Variants in TNIK observed in about 807,000 individuals in gnomAD.
TNIK encodes TRAF2 and NCK interacting kinase, also known as TRAF2 and NCK-interacting protein kinase.
TNIK carries 49 observed loss-of-function variants against 191.3 expected under a neutral mutation model. That is an observed-to-expected ratio of 0.26 (90% CI 0.20 to 0.32). The LOEUF (loss-of-function observed/expected upper bound fraction) is 0.32, where lower values mean the gene tolerates loss of function less well. Among genes scored for constraint, TNIK ranks in the 10% least tolerant of loss-of-function variants. The pLI is 1.00. For synonymous variants in TNIK, 594 were observed against 600.9 expected (o/e 0.99, Z 0.17); for missense variants, 1,155 against 1,702.3 (o/e 0.68, Z 5.66).
In TNIK at chr3:171,229,975, T is replaced by C. The variant is rs1026958334; in HGVS notation, c.124-1754A>G. Among the ~76,000 whole-genome samples the C allele has an allele frequency of 2.0e-5, 3 of 152,152 alleles. No homozygotes were observed. The East Asian group carries it at 5.8e-4, about 29-fold the overall frequency. ...TCTGCCCATGACCACCGGCTGTGTC[T>C]GGGCCCTCATTTCCCCATCTACAAA... On this transcript the variant is annotated intron_variant, in intron 2 of 32. Transcript: ENST00000436636.
chr3:171,268,474 G>C (rs1161811131), intron 2 of TNIK, among the ~76,000 whole-genome samples: 1 of 151,864 alleles, frequency 6.6e-6, no homozygotes, highest in African/African-American at 2.4e-5. Flanking sequence ...TCTCCACCCT[G>C]CCACTTGGTG....
At chr3:171,149,873 C>T (rs1361993503) in intron 12 of TNIK, among the ~76,000 whole-genome samples, 1 of 152,316 alleles carries the variant, frequency 6.6e-6, no homozygotes, top group East Asian at 1.9e-4. Flanking sequence ...TCCAACTAGC[C>T]AGCCACTGCT....
intron 2 of TNIK, among the ~76,000 whole-genome samples, chr3:171,241,549 T>C (rs1332813354): frequency 6.6e-6 from 1 of 152,236 alleles, no homozygotes; most frequent in Non-Finnish European, 1.5e-5. Context: ...AAGTGTAAAT[T>C]AAAATGCCTG....
intron 19 of TNIK, among the ~76,000 whole-genome samples, chr3:171,109,220 G>A (rs2108497299): frequency 6.6e-6 from 1 of 152,166 alleles, no homozygotes; most frequent in East Asian, 1.9e-4. Context: ...GGAGCGCAGT[G>A]GGGCCATCAT....
intron 2 of TNIK, among the ~76,000 whole-genome samples, chr3:171,359,256 A>C (rs1043152776): frequency 7.9e-5 from 12 of 152,216 alleles, no homozygotes; most frequent in Non-Finnish European, 1.8e-4. Flanking sequence ...CCATACTCGA[A>C]GTATCAACTC....
intron 2 of TNIK, among the ~76,000 whole-genome samples, chr3:171,230,810 C>CCT (rs1743527736): frequency 6.6e-6 from 1 of 152,046 alleles, no homozygotes; most frequent in African/African-American, 2.4e-5. Flanking sequence ...GATTAATATC[C>CCT]CTCTCTCCCT....
At chr3:171,316,389 G>C (rs917601179) in intron 2 of TNIK, among the ~76,000 whole-genome samples, 3 of 152,150 alleles carry the variant, frequency 2.0e-5, no homozygotes, top group African/African-American at 7.2e-5. Flanking sequence ...GATTAGTAGG[G>C]ATATAGAAGG....
At position 171,108,159 on chromosome 3, in the gene TNIK, T is replaced by G. The variant is rs1725250124; in HGVS notation, c.2288A>C (p.Asn763Thr). The G allele has an allele frequency of 1.3e-6, 2 of 1,545,810 alleles. No individual in the cohort carries two copies. The highest frequency in any genetic ancestry group is 2.1e-5 in the Admixed American group (1 of 48,002). Residue 763 changes from asparagine to threonine, a missense_variant, in exon 20 of 33, where the codon AAC becomes ACC. Transcript: ENST00000436636. ...GSSERTRVRA[N>T]SKSEGSPVLP... ...CACAGGTGATCCTTCTGACTTACTG[T>G]TGGCTAGAGGAAAAAAACAGAGGAC...
chr3:171,194,402 T>C (rs1738412340), intron 5 of TNIK, 123 bp downstream of exon 5: 1 of 864,254 alleles, frequency 1.2e-6, no homozygotes, highest in African/African-American at 1.7e-5. Flanking sequence ...GATAAACTTT[T>C]AAAGGGTTTT....
At chr3:171,265,682 GATTC>G (rs1748295018) in intron 2 of TNIK, among the ~76,000 whole-genome samples, 1 of 152,202 alleles carries the variant, frequency 6.6e-6, no homozygotes, top group Admixed American at 6.5e-5. Flanking sequence ...TTTGTAAGGT[GATTC>G]ATTTTGTGAA....
intron 2 of TNIK, among the ~76,000 whole-genome samples, chr3:171,310,970 C>T (rs1753956330): frequency 6.6e-6 from 1 of 152,102 alleles, no homozygotes; most frequent in African/African-American, 2.4e-5. Context: ...GTTCTGTTTC[C>T]CCAAATGTGT....
At chr3:171,286,004 C>A (rs1750968183) in intron 2 of TNIK, among the ~76,000 whole-genome samples, 3 of 152,160 alleles carry the variant, frequency 2.0e-5, no homozygotes, top group African/African-American at 7.2e-5. Flanking sequence ...ACAGCCTTAT[C>A]CTATCTTAGC....
chr3:171,375,793 A>G (rs963779433), intron 1 of TNIK, among the ~76,000 whole-genome samples: 31 of 152,190 alleles, frequency 2.0e-4, no homozygotes, highest in East Asian at 7.7e-4. Flanking sequence ...TATTCTTTCC[A>G]ATGCCTCCCC....
chr3:171,139,532 C>T lies in TNIK; in HGVS notation c.1357G>A (p.Glu453Lys), dbSNP rs767413421. 2 of 1,613,816 alleles carry T rather than the reference C, an allele frequency of 1.2e-6. No homozygotes were observed. The highest frequency in any genetic ancestry group is 1.7e-6 in the Non-Finnish European group (2 of 1,179,776). The change falls in exon 14 of 33, where the codon GAG becomes AAG. Residue 453 changes from glutamate to lysine, a missense_variant. By Grantham distance (56) the Glu-to-Lys change is moderately conservative. Transcript: ENST00000436636. Reference protein sequence around the residue: ...EQEYIRRQLEEEQRQLEILQQ... With the variant: ...EQEYIRRQLEKEQRQLEILQQ... ...AAGATCTCTAACTGTCTCTGCTCCTCCTCTAACTGTCGCCTGATGTATTCC... is the reference window on the plus strand; with the variant it reads ...AAGATCTCTAACTGTCTCTGCTCCTTCTCTAACTGTCGCCTGATGTATTCC...
chr3:171,408,076 A>G (rs776459139), intron 1 of TNIK, among the ~76,000 whole-genome samples: 1 of 152,224 alleles, frequency 6.6e-6, no homozygotes, highest in Non-Finnish European at 1.5e-5. Context: ...GACTCATAAC[A>G]AGATATAATT....
At chr3:171,120,323 C>CTTTTTT (rs397691045) in intron 18 of TNIK, among the ~76,000 whole-genome samples, 3 of 136,406 alleles carry the variant, frequency 2.2e-5, no homozygotes, top group African/African-American at 8.4e-5. Context: ...TTTTTTCTTT[C>CTTTTTT]TTTTTTTTTT....
chr3:171,157,595 CTTG>C lies in TNIK; in HGVS notation c.1083_1085del (p.Asn361del), dbSNP rs1733378112. 1 of 1,556,840 alleles carries C rather than the reference CTTG, an allele frequency of 6.4e-7. No homozygotes were observed. The highest frequency in any genetic ancestry group is 1.4e-5 in the African/African-American group (1 of 73,244). ...GCCTCCGTAGGGCCTCAGAACGCTC[CTTG>C]TTGGCCAGCTGCAGCCTCAGAAAGT... On this transcript the variant is annotated inframe_deletion, in exon 12 of 33. Transcript: ENST00000436636.
chr3:171,194,760 A>T, intron 4 of TNIK, 125 bp from the exon 5 acceptor site: 1 of 733,276 alleles, frequency 1.4e-6, no homozygotes, highest in South Asian at 1.8e-5. Flanking sequence ...AAGTTATCAT[A>T]AAACAATATA....
intron 3 of TNIK, among the ~76,000 whole-genome samples, chr3:171,218,018 C>A (rs1381025386): frequency 6.6e-6 from 1 of 152,060 alleles, no homozygotes; most frequent in Admixed American, 6.6e-5. Flanking sequence ...ATAATAACAA[C>A]AATAGGCACA....
Sources: allele counts gnomAD v4.1 joint callset (sites outside exome capture counted in the v4.1 genomes callset), GRCh38; gene constraint gnomAD v4.1.1; transcripts MANE v1.5; gene names NCBI Gene and HGNC (gene_info 2026-07-23, HGNC 2026-07-21).